UBAP2: variants seen among roughly 807,000 people sequenced by gnomAD.
UBAP2 encodes the protein ubiquitin associated protein 2.
A neutral mutation model predicts 139.6 loss-of-function variants in UBAP2; 75 were observed. The ratio of observed to expected loss-of-function variants is 0.54; its 90% confidence interval spans 0.45 to 0.65. The LOEUF (loss-of-function observed/expected upper bound fraction) is 0.65. Ranked by LOEUF, UBAP2 falls within the 30% of genes least tolerant of loss-of-function variation. The pLI is 0.00. For missense variants in UBAP2, 1,368 were observed against 1,369.6 expected (o/e 1.00, Z 0.02); for synonymous variants, 526 against 526.2 (o/e 1.00, Z 0.01).
intron 1 of UBAP2, among the ~76,000 whole-genome samples, chr9:34,035,426 TG>T (rs1214629473): frequency 6.8e-6 from 1 of 146,170 alleles, no homozygotes; most frequent in African/African-American, 2.5e-5. Context: ...AGCTTGAACC[TG>T]GGAGGTGGAG....
At chr9:33,981,285 T>A (rs1820734353) in intron 6 of UBAP2, among the ~76,000 whole-genome samples, 6 of 71,086 alleles carry the variant, frequency 8.4e-5, no homozygotes, top group South Asian at 5.5e-4. Flanking sequence ...ATATTCTGGA[T>A]ATATATATAT....
chr9:34,038,365 C>T lies in UBAP2; in HGVS notation c.-42+10460G>A, dbSNP rs59886873. Among the ~76,000 whole-genome samples the T allele has an allele frequency of 2.5e-3, 384 of 152,330 alleles. 4 individuals carry two copies. The highest frequency in any genetic ancestry group is 8.6e-3 in the African/African-American group (357 of 41,586). The stretch of plus-strand genomic sequence containing the variant: ...CTGGACTGTACTGCCGCCATCTCGG[C>T]TCACTGCAACCTCCCTGCCTGATTC... On this transcript the variant is annotated intron_variant, in intron 1 of 28. Coordinates refer to ENST00000379238, the MANE Select transcript of UBAP2 (RefSeq NM_001370062.2).
At chr9:34,000,858 T>A (rs142830502) in intron 2 of UBAP2, among the ~76,000 whole-genome samples, 310 of 152,276 alleles carry the variant, frequency 2.0e-3, no homozygotes, top group Non-Finnish European at 3.7e-3. Flanking sequence ...CTATGCCTGC[T>A]GAGACCTCAG....
chr9:34,037,462 G>A (rs546810285), intron 1 of UBAP2, among the ~76,000 whole-genome samples: 1 of 152,246 alleles, frequency 6.6e-6, no homozygotes, highest in East Asian at 1.9e-4. Flanking sequence ...TTTTACTAAT[G>A]TAATTGTTGC....
At chr9:34,034,857 C>CTG (rs1329073669) in intron 1 of UBAP2, among the ~76,000 whole-genome samples, 2 of 145,144 alleles carry the variant, frequency 1.4e-5, no homozygotes, top group Admixed American at 7.2e-5. Flanking sequence ...TGGGAAACAG[C>CTG]GAGACTCAAT....
intron 1 of UBAP2, among the ~76,000 whole-genome samples, chr9:34,043,590 C>CTCAACCTCCTGGAG (rs1376162020): frequency 1.7e-4 from 1 of 5,892 alleles, no homozygotes; most frequent in East Asian, 6.2e-3. Flanking sequence ...TCACTGTGGC[C>CTCAACCTCCTGGAG]TCAAGCAATC....
At chr9:33,936,062 T>C (rs2130900776) in intron 16 of UBAP2, among the ~76,000 whole-genome samples, 184 bp from the exon 17 acceptor site, 1 of 152,290 alleles carries the variant, frequency 6.6e-6, no homozygotes, top group Non-Finnish European at 1.5e-5. Context: ...CAAAAAAATT[T>C]TTTTTCACAT....
intron 10 of UBAP2, among the ~76,000 whole-genome samples, chr9:33,958,195 C>T (rs1826726125): frequency 6.6e-6 from 1 of 152,048 alleles, no homozygotes; most frequent in African/African-American, 2.4e-5. Context: ...CTCTTGGGCT[C>T]AAGCGATCCT....
chr9:33,978,571 G>A lies in UBAP2; in HGVS notation c.521-5334C>T, dbSNP rs150502298. 8.0e-4 allele frequency among the ~76,000 whole-genome samples: 121 copies of A among 152,194 alleles called. 1 individual carries two copies. The highest frequency in any genetic ancestry group is 2.9e-3 in the African/African-American group (119 of 41,532). On this transcript the variant is annotated intron_variant, in intron 6 of 28. Transcript: ENST00000379238. ...GCGGATCACGAGATCAGGAGATCAG[G>A]AGATCAAGACCATCCTGGCTAACAC...
chr9:34,015,697 C>T (rs1824188594), intron 2 of UBAP2, among the ~76,000 whole-genome samples: 1 of 151,974 alleles, frequency 6.6e-6, no homozygotes, highest in Admixed American at 6.6e-5. Flanking sequence ...GAAGAAAAGG[C>T]AGGTTTTTGC....
Position 33,924,228 on chromosome 9 carries a change from G to A in UBAP2, c.2568C>T (p.Ser856=). 6.2e-7 allele frequency: 1 copy of A among 1,614,192 alleles called. No homozygotes were observed. Among genetic ancestry groups the A allele is most frequent in the Admixed American group, 1.7e-5 (1 of 60,026 alleles). Residue 856 remains serine (S), a synonymous_variant, in exon 23 of 29, where the codon AGC becomes AGT. Transcript: ENST00000379238. The part of the protein sequence containing the change: ...APTALASRDG[S]LANNPYPGDV... ...CACCTGGATATGGATTATTAGCTAG[G>A]CTCCCATCTCGGCTGGCAAGCGCTG... is the stretch of plus-strand genomic sequence containing the variant.
intron 1 of UBAP2, among the ~76,000 whole-genome samples, chr9:34,023,530 A>G (rs757592101): frequency 1.3e-3 from 205 of 152,238 alleles, no homozygotes; most frequent in Non-Finnish European, 2.3e-3. Flanking sequence ...CATTAAGACT[A>G]TATCTCCTTC....
At chr9:33,965,192 TA>T (rs1262860461) in intron 8 of UBAP2, among the ~76,000 whole-genome samples, 17 of 152,202 alleles carry the variant, frequency 1.1e-4, no homozygotes, top group African/African-American at 4.1e-4. Context: ...GTGTACAATT[TA>T]GTGGCACAGA....
chr9:34,013,793 C>A (rs540426282), intron 2 of UBAP2, among the ~76,000 whole-genome samples: 3 of 151,702 alleles, frequency 2.0e-5, no homozygotes, highest in Non-Finnish European at 2.9e-5. Context: ...AGGAGAATCG[C>A]TTGGACCCAG....
At chr9:34,037,349 G>A (rs1184155327) in intron 1 of UBAP2, among the ~76,000 whole-genome samples, 6 of 152,016 alleles carry the variant, frequency 3.9e-5, no homozygotes. Context: ...TGGCCAGGCT[G>A]GTCTCAAACA....
Position 34,017,190 on chromosome 9 carries a change from C to A in UBAP2, c.-41-1G>T. ...ATAATGTATGTACAAAATAGAAAATCTGCAAGAAAGTAGGGATGGTAAGCA... is the reference window on the plus strand; with the variant it reads ...ATAATGTATGTACAAAATAGAAAATATGCAAGAAAGTAGGGATGGTAAGCA... On this transcript the variant is annotated splice_acceptor_variant, in intron 1 of 28. Transcript: ENST00000379238. LOFTEE classifies it low-confidence loss of function (5UTR_SPLICE). 7.0e-7 allele frequency: 1 copy of A among 1,428,796 alleles called. No individual in the cohort carries two copies. Among genetic ancestry groups the A allele is most frequent in the Non-Finnish European group, 9.4e-7 (1 of 1,058,394 alleles). The allele number at this position is 1,428,796 out of a possible 1,614,324, so 88.5% of individuals were successfully genotyped here. A position where few individuals can be genotyped will look rare whatever the true frequency, so the allele number is the denominator to read the frequency against.
intron 2 of UBAP2, 94 bp downstream of exon 2, chr9:34,016,956 A>G: frequency 1.2e-6 from 1 of 833,702 alleles, no homozygotes; most frequent in Middle Eastern, 3.1e-4. Flanking sequence ...AATTCTAAAC[A>G]AGGCAAACAA....
chr9:33,924,902 A>AT (rs1823286583), intron 22 of UBAP2, among the ~76,000 whole-genome samples: 2 of 152,252 alleles, frequency 1.3e-5, no homozygotes, highest in South Asian at 2.1e-4. Flanking sequence ...TTTGTTTGCA[A>AT]TTTTTTTAAG....
intron 14 of UBAP2, 152 bp downstream of exon 14, chr9:33,944,213 C>T (rs1825469899): frequency 1.0e-6 from 1 of 997,062 alleles, no homozygotes; most frequent in South Asian, 1.6e-5. Context: ...CTAGTCTGGT[C>T]ACTCAGAAAT....
Sources: gnomAD v4.1 joint callset for allele counts (sites outside exome capture counted in the v4.1 genomes callset) on GRCh38, gnomAD v4.1.1 for gene constraint, MANE v1.5 for transcripts, NCBI Gene and HGNC (gene_info 2026-07-23, HGNC 2026-07-21) for gene names.